The following TMEM9 variants were observed in gnomAD, a reference collection of about 807,000 sequenced individuals.
TMEM9 encodes the protein transmembrane protein 9.
In TMEM9, 13 loss-of-function variants were observed where a neutral mutation model predicts 22.8. That is an observed-to-expected ratio of 0.57 (90% CI 0.37 to 0.91). TMEM9 has a LOEUF of 0.91. TMEM9 is among the 40% of genes least tolerant of loss of function. The pLI is 0.01. For missense variants in TMEM9, 182 were observed against 238.1 expected (o/e 0.76, Z 1.55); for synonymous variants, 88 against 93.0 (o/e 0.95, Z 0.31).
intron 1 of TMEM9, among the ~76,000 whole-genome samples, chr1:201,166,373 T>A (rs1441045258): frequency 6.6e-6 from 1 of 151,292 alleles, no homozygotes; most frequent in Admixed American, 6.6e-5. Context: ...ATTCTTTTTT[T>A]TTTTTTGATA....
At chr1:201,151,702 G>T in intron 2 of TMEM9, 59 bp downstream of exon 2, 1 of 1,321,620 alleles carries the variant, frequency 7.6e-7, no homozygotes, top group Non-Finnish European at 1.1e-6. Flanking sequence ...AAGAACTCTA[G>T]TAAACACCCA....
In TMEM9 at chr1:201,152,161, GGTGTGTGTGT is replaced by G. The variant is rs3222916; in HGVS notation, c.67-319_67-310del. ...GCGGGGAGAGGGATGAGGGGAAATG[GGTGTGTGTGT>G]GTGTGTGTGTGTGTGTCCTCTACCC... On this transcript the variant is annotated intron_variant, in intron 1 of 4. Transcript: ENST00000367330. Among the ~76,000 whole-genome samples, 38 of 150,060 alleles carry G rather than the reference GGTGTGTGTGT, an allele frequency of 2.5e-4. No homozygotes were observed. The East Asian group carries it at 7.1e-3, about 28-fold the overall frequency.
At chr1:201,157,569 A>G (rs1665836030), upstream of TMEM9, among the ~76,000 whole-genome samples, 1 of 152,236 alleles carries the variant, frequency 6.6e-6, no homozygotes, top group South Asian at 2.1e-4. Flanking sequence ...TATCTGCCTA[A>G]ATAATTTCTA....
rs552583622 is a variant in TMEM9, at chr1:201,146,693, G to A, written c.267+47C>T. Reference sequence around the variant, plus strand: ...GGGTGTAGGCCAGTCTGCGATTGGAGAATGGCGTGTGGGAATCCCACTGGC... The same window carrying A: ...GGGTGTAGGCCAGTCTGCGATTGGAAAATGGCGTGTGGGAATCCCACTGGC... On this transcript the variant is annotated intron_variant, in intron 3 of 4. Coordinates refer to ENST00000367330, the MANE Select transcript of TMEM9 (RefSeq NM_001288565.2). The A allele has an allele frequency of 1.1e-5, 18 of 1,568,462 alleles. No individual in the cohort carries two copies. The South Asian group carries it at 1.9e-4, about 16-fold the overall frequency.
rs199600186 is a variant in TMEM9, at chr1:201,143,812, C to T, written c.399+8G>A. ...GACCCAGGGCCTGGGCACTCAAAGC[C>T]CTCTTACCTCATTCTCCTCCTCATT... On this transcript the variant is annotated splice_region_variant and intron_variant, in intron 4 of 4. Transcript: ENST00000367330. 12 of 1,613,610 alleles carry T rather than the reference C, an allele frequency of 7.4e-6. No homozygotes were observed. The Middle Eastern group carries it at 5.0e-4, about 67-fold the overall frequency.
intron 3 of TMEM9, 75 bp from the exon 4 acceptor site, chr1:201,144,026 A>T: frequency 6.4e-7 from 1 of 1,555,708 alleles, no homozygotes; most frequent in Non-Finnish European, 8.8e-7. Flanking sequence ...GTCTTGGGCC[A>T]TCTGTGTCCG....
intron 3 of TMEM9, 83 bp downstream of exon 3, chr1:201,146,657 T>A: frequency 7.2e-7 from 1 of 1,397,128 alleles, no homozygotes; most frequent in Non-Finnish European, 1.0e-6. Context: ...CAGAATAAAG[T>A]GAAAAACTGT....
In TMEM9 at chr1:201,152,351, C is replaced by T. The variant is rs1665500494; in HGVS notation, c.67-499G>A. Among the ~76,000 whole-genome samples the T allele has an allele frequency of 6.6e-5, 10 of 152,342 alleles. No individual in the cohort carries two copies. The South Asian group carries it at 2.1e-3, about 32-fold the overall frequency. Reference sequence around the variant, plus strand: ...GATCATTTCTGTGGGAATACTCAAGCAACCCCTTTGAAAGTTCTTCCCTTC... The same window carrying T: ...GATCATTTCTGTGGGAATACTCAAGTAACCCCTTTGAAAGTTCTTCCCTTC... On this transcript the variant is annotated intron_variant, in intron 1 of 4. Transcript: ENST00000367330.
rs1421819997 is a variant in TMEM9 at position 201,154,136 on chromosome 1, T to C, written c.-213A>G. 9 of 575,886 alleles carry C rather than the reference T, an allele frequency of 1.6e-5. No individual in the cohort carries two copies. Among genetic ancestry groups the C allele is most frequent in the Admixed American group, 3.4e-5 (1 of 29,266 alleles). 35.7% of individuals were successfully genotyped at this position (575,886 alleles called of 1,614,324 possible). A position where few individuals can be genotyped will look rare whatever the true frequency, so the allele number is the denominator to read the frequency against. On this transcript the variant is annotated 5_prime_UTR_variant, in exon 1 of 5. Transcript: ENST00000367330. ...TCCCTCCCGCCCAACTCTCCGGCTC[T>C]CCGCCAGCCACCTGGTGAGCCCGGC...
intron 4 of TMEM9, among the ~76,000 whole-genome samples, chr1:201,138,730 T>C (rs560015816): frequency 1.3e-5 from 2 of 152,218 alleles, no homozygotes; most frequent in African/African-American, 4.8e-5. Context: ...CACTGGCAAA[T>C]GGGTAAAACC....
chr1:201,151,334 T>A (rs530066157), intron 2 of TMEM9, among the ~76,000 whole-genome samples: 4 of 152,246 alleles, frequency 2.6e-5, no homozygotes, highest in Admixed American at 1.3e-4. Flanking sequence ...TCTCTGCTAT[T>A]ATAAAATGGG....
At chr1:201,139,808 T>A (rs1421875974) in intron 4 of TMEM9, among the ~76,000 whole-genome samples, 1 of 152,216 alleles carries the variant, frequency 6.6e-6, no homozygotes, top group Non-Finnish European at 1.5e-5. Context: ...TAAACATGAT[T>A]ATGTGTATTC....
At position 201,152,020 on chromosome 1, in the gene TMEM9, T is replaced by C. The variant is rs1441452429; in HGVS notation, c.67-168A>G. 2.6e-5 allele frequency among the ~76,000 whole-genome samples: 4 copies of C among 152,190 alleles called. No homozygotes were observed. In the East Asian group the frequency reaches 7.7e-4, roughly 29 times the overall value. ...GTTCAAATCCAGCAAGGACTGCCAC[T>C]GTAGGAAGCAAGCTGCAGCACCGGG... On this transcript the variant is annotated intron_variant, in intron 1 of 4. Transcript: ENST00000367330.
intron 4 of TMEM9, among the ~76,000 whole-genome samples, chr1:201,139,103 A>T (rs16847821): frequency 0.015 from 2,295 of 152,278 alleles, 61 homozygotes; most frequent in African/African-American, 0.049. Flanking sequence ...TCCCAGATGA[A>T]ACCCTCTTCA....
rs778154608 is a variant in TMEM9 at position 201,134,952 on chromosome 1, C to T, written c.*711G>A. ...CCTCGAGTCTCATGTTCCAACCGAC[C>T]GTCTGGCTCAGTGACTGTGGACACT... On this transcript the variant is annotated 3_prime_UTR_variant, in exon 5 of 5. Coordinates refer to ENST00000367330, the MANE Select transcript of TMEM9 (RefSeq NM_001288565.2). The T allele has an allele frequency of 3.9e-5, 6 of 152,786 alleles. No individual in the cohort carries two copies. The highest frequency in any genetic ancestry group is 1.4e-4 in the African/African-American group (6 of 41,464). 9.5% of individuals were successfully genotyped at this position (152,786 alleles called of 1,614,324 possible).
At chr1:201,136,360 G>A (rs6693143) in intron 4 of TMEM9, among the ~76,000 whole-genome samples, 38,623 of 152,078 alleles carry the variant, frequency 0.25, 5,525 homozygotes, top group East Asian at 0.47. Context: ...GAAGGCCCAG[G>A]GGCTAGGGTC....
chr1:201,136,943 A>AG (rs978697657), intron 4 of TMEM9, among the ~76,000 whole-genome samples: 23 of 152,344 alleles, frequency 1.5e-4, no homozygotes, highest in South Asian at 1.0e-3. Flanking sequence ...GCTGGGGCGA[A>AG]GGGGGGTGGT....
In TMEM9 at chr1:201,138,653, T is replaced by C. The variant is rs919783893; in HGVS notation, c.400-2838A>G. 2.0e-5 allele frequency among the ~76,000 whole-genome samples: 3 copies of C among 152,244 alleles called. 1 individual carries two copies. The highest frequency in any genetic ancestry group is 2.0e-4 in the Admixed American group (3 of 15,288). Reference sequence around the variant, plus strand: ...CAGGGGGACCAGACCAGTGTGACTATGACAAGTGCCACTATGTGCCAGGCG... The same window carrying C: ...CAGGGGGACCAGACCAGTGTGACTACGACAAGTGCCACTATGTGCCAGGCG... On this transcript the variant is annotated intron_variant, in intron 4 of 4. Coordinates refer to ENST00000367330, the MANE Select transcript of TMEM9 (RefSeq NM_001288565.2).
rs202146216 is a variant in TMEM9 at position 201,146,855 on chromosome 1, C to T, written c.159-7G>A. On this transcript the variant is annotated splice_polypyrimidine_tract_variant and splice_region_variant and intron_variant, in intron 2 of 4. Coordinates refer to ENST00000367330, the MANE Select transcript of TMEM9 (RefSeq NM_001288565.2). ...CACCACGTGCAGGCAGTTGCTACAA[C>T]AGAGAGAGACAGGGCTGTCGAGGCA... The T allele has an allele frequency of 6.2e-7, 1 of 1,613,278 alleles. No individual in the cohort carries two copies. Among genetic ancestry groups the T allele is most frequent in the Admixed American group, 1.7e-5 (1 of 60,008 alleles).
Sources: allele counts gnomAD v4.1 joint callset (sites outside exome capture counted in the v4.1 genomes callset), GRCh38; gene constraint gnomAD v4.1.1; transcripts MANE v1.5; gene names NCBI Gene and HGNC (gene_info 2026-07-23, HGNC 2026-07-21).